Variants in CAMTA1 observed in about 807,000 individuals in gnomAD.
CAMTA1 encodes the protein calmodulin-binding transcription activator 1.
A neutral mutation model predicts 170.9 loss-of-function variants in CAMTA1; 27 were observed. The ratio of observed to expected loss-of-function variants is 0.16; its 90% CI spans 0.12 to 0.22. The LOEUF is 0.22. CAMTA1 is among the 10% of genes least tolerant of loss of function. CAMTA1 has a pLI of 1.00. For synonymous variants in CAMTA1, 833 were observed against 891.5 expected, an observed-to-expected ratio of 0.93 and a Z score of 1.17; for missense variants, 1,619 against 2,217.2, an observed-to-expected ratio of 0.73 and a Z score of 5.42.
At chr1:7,330,307 G>A (rs929728764) in intron 5 of CAMTA1, among the ~76,000 whole-genome samples, 12 of 152,180 alleles carry the variant, frequency 7.9e-5, no homozygotes, top group East Asian at 3.9e-4. Flanking sequence ...TGTAATAGTC[G>A]CAGGACCCGG....
chr1:6,797,209 A>G (rs1642729173), intron 1 of CAMTA1, among the ~76,000 whole-genome samples: 1 of 152,086 alleles, frequency 6.6e-6, no homozygotes, highest in African/African-American at 2.4e-5. Flanking sequence ...GACTGAGGCT[A>G]TAGGTGCGTG....
At chr1:7,399,204 G>A (rs966388507) in intron 5 of CAMTA1, among the ~76,000 whole-genome samples, 3 of 152,124 alleles carry the variant, frequency 2.0e-5, no homozygotes, top group Non-Finnish European at 2.9e-5. Context: ...TGCTCTGTTA[G>A]TTTCTGTGAG....
At chr1:7,428,683 G>A (rs183066565) in intron 5 of CAMTA1, among the ~76,000 whole-genome samples, 1 of 152,056 alleles carries the variant, frequency 6.6e-6, no homozygotes, top group African/African-American at 2.4e-5. Context: ...TCTCCACTAG[G>A]ATGACATCCC....
chr1:6,900,658 G>A (rs1676737323), intron 3 of CAMTA1, among the ~76,000 whole-genome samples: 1 of 152,072 alleles, frequency 6.6e-6, no homozygotes, highest in African/African-American at 2.4e-5. Flanking sequence ...ATTGGAAGAG[G>A]AAACTTAAAT....
At chr1:7,490,185 A>T (rs982974007) in intron 6 of CAMTA1, among the ~76,000 whole-genome samples, 1 of 152,216 alleles carries the variant, frequency 6.6e-6, no homozygotes, top group African/African-American at 2.4e-5. Context: ...CTCTGGGTGA[A>T]TCTGGTGCTG....
intron 3 of CAMTA1, among the ~76,000 whole-genome samples, chr1:6,953,040 C>G (rs1571994612): frequency 6.6e-6 from 1 of 152,244 alleles, no homozygotes; most frequent in African/African-American, 2.4e-5. Flanking sequence ...ACATCGGGTT[C>G]ATATTTTTTG....
intron 3 of CAMTA1, among the ~76,000 whole-genome samples, chr1:6,961,957 C>T (rs912025940): frequency 2.0e-5 from 3 of 152,232 alleles, no homozygotes; most frequent in South Asian, 2.1e-4. Flanking sequence ...TGCATCTCTC[C>T]CCGGCGGCCA....
intron 6 of CAMTA1, among the ~76,000 whole-genome samples, chr1:7,583,905 G>A (rs2095284693): frequency 6.6e-6 from 1 of 152,104 alleles, no homozygotes; most frequent in Non-Finnish European, 1.5e-5. Context: ...ACGTGAGAGT[G>A]GCATCAGATC....
intron 4 of CAMTA1, among the ~76,000 whole-genome samples, chr1:7,148,176 C>T (rs1266036299): frequency 1.3e-5 from 2 of 151,482 alleles, no homozygotes; most frequent in African/African-American, 4.9e-5. Context: ...TGCACACATG[C>T]ACACACATGC....
chr1:7,140,352 T>C (rs1293092299), intron 4 of CAMTA1, among the ~76,000 whole-genome samples: 2 of 152,240 alleles, frequency 1.3e-5, no homozygotes, highest in Admixed American at 6.5e-5. Flanking sequence ...AGTGGTACTT[T>C]AATTTGCACA....
In CAMTA1 at chr1:7,270,482, GA is replaced by G. The variant is rs912953866; in HGVS notation, c.438+20857del. ...GCTAATTTTTTGTATTTTTAGTAGAGAGGGGGTTTCATCAAGTTGGCCAGGC... is the reference window on the plus strand; with the variant it reads ...GCTAATTTTTTGTATTTTTAGTAGAGGGGGGTTTCATCAAGTTGGCCAGGC... On this transcript the variant is annotated intron_variant, in intron 5 of 22. Coordinates refer to ENST00000303635, the MANE Select transcript of CAMTA1 (RefSeq NM_015215.4). Among the ~76,000 whole-genome samples, 231 of 151,984 alleles carry G rather than the reference GA, an allele frequency of 1.5e-3. 2 individuals carry two copies. The highest frequency in any genetic ancestry group is 5.4e-3 in the African/African-American group (223 of 41,434).
intron 5 of CAMTA1, among the ~76,000 whole-genome samples, chr1:7,384,473 G>A (rs531212100): frequency 6.6e-6 from 1 of 152,248 alleles, no homozygotes; most frequent in East Asian, 1.9e-4. Flanking sequence ...ATGAGTCGAT[G>A]TGTGGGCCTT....
At chr1:6,806,865 A>G (rs926882611) in intron 1 of CAMTA1, 3 of 405,534 alleles carry the variant, frequency 7.4e-6, no homozygotes, top group Non-Finnish European at 1.3e-5. Flanking sequence ...TTACTGGAGG[A>G]ATCAGAAGAT....
At chr1:7,668,228 C>T (rs1398164207) in intron 9 of CAMTA1, among the ~76,000 whole-genome samples, 2 of 152,152 alleles carry the variant, frequency 1.3e-5, no homozygotes, top group Non-Finnish European at 2.9e-5. Context: ...GGTTACTCAG[C>T]ACCCCCACCC....
rs17350137 is a variant in CAMTA1 at position 7,251,673 on chromosome 1, C to T, written c.438+2047C>T. Reference sequence around the variant, plus strand: ...AACAGGAGTCATATTCTCTGCCCCACGGACTCATGGTCAAGTTGAAGAGGC... The same window carrying T: ...AACAGGAGTCATATTCTCTGCCCCATGGACTCATGGTCAAGTTGAAGAGGC... On this transcript the variant is annotated intron_variant, in intron 5 of 22. Coordinates refer to ENST00000303635, the MANE Select transcript of CAMTA1 (RefSeq NM_015215.4). The surrounding 1 kb of genome is among the most constrained non-coding windows in gnomAD (Gnocchi z 5.1). Among the ~76,000 whole-genome samples the T allele has an allele frequency of 0.013, 2,041 of 152,248 alleles. 22 individuals carry two copies. The highest frequency in any genetic ancestry group is 0.018 in the Non-Finnish European group (1,211 of 68,018).
intron 4 of CAMTA1, among the ~76,000 whole-genome samples, chr1:7,209,867 A>G (rs1658437817): frequency 6.6e-6 from 1 of 152,222 alleles, no homozygotes. Flanking sequence ...AGTTGTAGGA[A>G]TAAAATGAAG....
chr1:7,468,604 C>T (rs1411378319), intron 6 of CAMTA1, among the ~76,000 whole-genome samples: 1 of 152,240 alleles, frequency 6.6e-6, no homozygotes, highest in African/African-American at 2.4e-5. Flanking sequence ...GGGATCCATG[C>T]AGTCGGACTA....
intron 5 of CAMTA1, among the ~76,000 whole-genome samples, chr1:7,369,884 G>T (rs986711619): frequency 6.6e-6 from 1 of 152,128 alleles, no homozygotes; most frequent in Admixed American, 6.5e-5. Context: ...CCTCTCTGTG[G>T]GTAAGGTTAA....
chr1:6,987,837 C>T (rs1311215884), intron 3 of CAMTA1, among the ~76,000 whole-genome samples: 5 of 152,130 alleles, frequency 3.3e-5, no homozygotes, highest in South Asian at 2.1e-4. Flanking sequence ...TTCCTTCCCC[C>T]TCCATCCCCA....
Sources: allele counts gnomAD v4.1 joint callset (sites outside exome capture counted in the v4.1 genomes callset), GRCh38; gene constraint gnomAD v4.1.1; non-coding constraint Gnocchi (gnomAD v3.1); transcripts MANE v1.5; gene names NCBI Gene and HGNC (gene_info 2026-07-23, HGNC 2026-07-21).